Variants in SUPT6H observed in about 807,000 individuals in gnomAD.
SUPT6H encodes transcription elongation factor SPT6.
In SUPT6H, 11 loss-of-function variants were observed where a neutral mutation model predicts 222.3. That is an observed-to-expected ratio of 0.05 (90% CI 0.03 to 0.08). SUPT6H has a LOEUF of 0.08. Among genes scored for constraint, SUPT6H ranks in the 10% least tolerant of loss-of-function variants. SUPT6H has a pLI of 1.00. For missense variants in SUPT6H, 1,422 were observed against 2,216.0 expected (o/e 0.64, Z 7.19); for synonymous variants, 762 against 801.2 (o/e 0.95, Z 0.83).
At chr17:28,686,080 G>A (rs1218732442) in intron 19 of SUPT6H, among the ~76,000 whole-genome samples, 4 of 152,214 alleles carry the variant, frequency 2.6e-5, no homozygotes, top group East Asian at 3.9e-4. Flanking sequence ...AAAAAAGAAC[G>A]GTTTCCTAAC....
rs1213978339 is a variant in SUPT6H at position 28,688,766 on chromosome 17, A to T, written c.3134+548A>T. ...ATTCAGTAATGGAAATCAGTGGGGA[A>T]ATAGGCTTCAAGTTCTAAAACTTCA... On this transcript the variant is annotated intron_variant, in intron 24 of 36. Transcript: ENST00000314616. This position sits in a 1 kb window ranked among gnomAD's most constrained non-coding sequence, Gnocchi z 4.3. 1 of 154,416 alleles carries T rather than the reference A, an allele frequency of 6.5e-6. No individual in the cohort carries two copies. Among genetic ancestry groups the T allele is most frequent in the Non-Finnish European group, 1.4e-5 (1 of 69,702 alleles). The allele number at this position is 154,416 out of a possible 1,614,324, so 9.6% of individuals were successfully genotyped here.
intron 11 of SUPT6H, among the ~76,000 whole-genome samples, chr17:28,680,492 G>C (rs907364591): frequency 6.6e-6 from 1 of 151,878 alleles, no homozygotes; most frequent in African/African-American, 2.4e-5. Context: ...CAGCTCGCGA[G>C]GCTGAGGCAG....
At chr17:28,668,249 A>G (rs775357325) in intron 1 of SUPT6H, among the ~76,000 whole-genome samples, 1 of 152,244 alleles carries the variant, frequency 6.6e-6, no homozygotes, top group Non-Finnish European at 1.5e-5. Context: ...TTTTAAGAGC[A>G]TAAGTGCTAA....
intron 11 of SUPT6H, 99 bp from the exon 12 acceptor site, chr17:28,681,157 G>A (rs1164549540): frequency 1.5e-6 from 2 of 1,327,636 alleles, no homozygotes; most frequent in Non-Finnish European, 2.1e-6. Flanking sequence ...TCCCATTTTA[G>A]TTGGGATACT....
intron 20 of SUPT6H, 29 bp from the exon 21 acceptor site, chr17:28,686,625 T>A (rs781484284): frequency 6.4e-7 from 1 of 1,560,144 alleles, no homozygotes; most frequent in African/African-American, 1.4e-5. Flanking sequence ...TAAGAAAACA[T>A]ATTCATTGAC....
intron 12 of SUPT6H, 97 bp from the exon 13 acceptor site, chr17:28,681,784 CT>C: frequency 9.5e-7 from 1 of 1,056,318 alleles, no homozygotes; most frequent in African/African-American, 1.6e-5. Flanking sequence ...GAAGGAGGCC[CT>C]TGGCTGGGTA....
chr17:28,684,565 C>T (rs766029201), intron 17 of SUPT6H, 21 bp from the exon 18 acceptor site: 1 of 1,613,832 alleles, frequency 6.2e-7, no homozygotes, highest in East Asian at 2.2e-5. Flanking sequence ...TATGTAATAC[C>T]TGTTGTGTCT....
At chr17:28,693,986 A>G in intron 28 of SUPT6H, 150 bp downstream of exon 28, 1 of 1,068,594 alleles carries the variant, frequency 9.4e-7, no homozygotes, top group Non-Finnish European at 1.3e-6. Flanking sequence ...TAACTAGTTG[A>G]AAGAAGCTAG....
rs201577643 is a variant in SUPT6H at position 28,683,836 on chromosome 17, ATT to A, written c.2229+35_2229+36del. The A allele has an allele frequency of 0.026, 33,948 of 1,317,430 alleles. No individual in the cohort carries two copies. The highest frequency in any genetic ancestry group is 0.037 in the South Asian group (2,426 of 65,918). The allele number at this position is 1,317,430 out of a possible 1,614,324, so 81.6% of individuals were successfully genotyped here. On this transcript the variant is annotated intron_variant, in intron 17 of 36. Transcript: ENST00000314616. ...ATAAAGGTGAGGACAGAGACTCATG[ATT>A]TTTTTTTTTTTTTTGGTGACAGAGT... is the stretch of plus-strand genomic sequence containing the variant.
Position 28,686,767 on chromosome 17 carries a change from A to G in SUPT6H, c.2678A>G (p.Tyr893Cys), listed in dbSNP as rs1353643906. 6.8e-6 allele frequency: 11 copies of G among 1,609,390 alleles called. No homozygotes were observed. Among genetic ancestry groups the G allele is most frequent in the African/African-American group, 1.3e-5 (1 of 74,678 alleles). ...ELVDNELAIL[Y>C]MNSKKSEAEF... is the part of the protein sequence containing the mutation. ...GTTGACAACGAGTTGGCCATTCTCT[A>G]TATGAACAGCAAGAAGTCAGAGGTA... The change falls in exon 21 of 37, where the codon TAT becomes TGT. Residue 893 changes from tyrosine (Y) to cysteine (C), a missense_variant. Around this residue, in one of 13 missense-constraint regions of SUPT6H, gnomAD observed 294 missense variants for 382.1 expected, o/e 0.77. Transcript: ENST00000314616.
chr17:28,674,771 G>T (rs2030638544), intron 4 of SUPT6H, 158 bp downstream of exon 4: 2 of 895,970 alleles, frequency 2.2e-6, no homozygotes, highest in Admixed American at 2.5e-5. Context: ...TTGCATCCCA[G>T]ATCTGGGTGC....
intron 17 of SUPT6H, 25 bp downstream of exon 17, chr17:28,683,841 T>A (rs747163084): frequency 1.3e-6 from 2 of 1,563,206 alleles, no homozygotes; most frequent in South Asian, 2.4e-5. Context: ...TCATGATTTT[T>A]TTTTTTTTTT....
Position 28,688,389 on chromosome 17 carries a change from C to G in SUPT6H, c.3134+171C>G. 1.4e-6 allele frequency: 1 copy of G among 698,562 alleles called. No individual in the cohort carries two copies. Among genetic ancestry groups the G allele is most frequent in the Non-Finnish European group, 2.1e-6 (1 of 479,064 alleles). 43.3% of individuals were successfully genotyped at this position (698,562 alleles called of 1,614,324 possible). A position where few individuals can be genotyped will look rare whatever the true frequency, so the allele number is the denominator to read the frequency against. ...AGAGCCCCTGACCTATGGAAAAGAT[C>G]GGTTCAATCATGTGAAACATTTTTC... On this transcript the variant is annotated intron_variant, in intron 24 of 36. Transcript: ENST00000314616. The surrounding 1 kb of genome is among the most constrained non-coding windows in gnomAD (Gnocchi z 4.3).
chr17:28,670,407 TA>T (rs975903224), intron 1 of SUPT6H: 12 of 152,182 alleles, frequency 7.9e-5, no homozygotes, highest in Non-Finnish European at 1.8e-4. Context: ...GGGTACTTTT[TA>T]AAAAATTGCT....
chr17:28,675,117 C>A lies in SUPT6H; in HGVS notation c.493C>A (p.Pro165Thr). The A allele has an allele frequency of 1.2e-6, 2 of 1,613,520 alleles. No homozygotes were observed. Among genetic ancestry groups the A allele is most frequent in the Non-Finnish European group, 1.7e-6 (2 of 1,179,850 alleles). The stretch of plus-strand genomic sequence containing the variant: ...AGAAGGGCAGGAGGCCATGGAGGCC[C>A]CCATGGCTCCTCCAGAGGAGGAGGA... ...GEEGQEAMEA[P>T]MAPPEEEEED... The change falls in exon 5 of 37, where the codon CCC becomes ACC. Residue 165 changes from proline (P) to threonine (T), a missense_variant. This residue lies in a region of SUPT6H where 389 missense variants were observed against 544.6 expected (regional missense o/e 0.71). Coordinates refer to ENST00000314616, the MANE Select transcript of SUPT6H (RefSeq NM_003170.5).
intron 33 of SUPT6H, 60 bp downstream of exon 33, chr17:28,699,953 C>CA (rs2032066110): frequency 1.4e-5 from 22 of 1,519,980 alleles, no homozygotes; most frequent in Non-Finnish European, 2.0e-5. Flanking sequence ...GGACCTGACT[C>CA]AGAGTAGTCC....
intron 21 of SUPT6H, 59 bp from the exon 22 acceptor site, chr17:28,687,029 C>T: frequency 6.3e-7 from 1 of 1,591,474 alleles, no homozygotes; most frequent in East Asian, 2.2e-5. Flanking sequence ...GTTTGGATTT[C>T]CTCTTGATGT....
chr17:28,667,435 A>ATATATATATATG (rs1491494572), intron 1 of SUPT6H, among the ~76,000 whole-genome samples: 2 of 128,770 alleles, frequency 1.6e-5, no homozygotes, highest in African/African-American at 5.8e-5. Context: ...ATATATATAT[A>ATATATATATATG]TGTATGTGTG....
At chr17:28,699,977 C>T in intron 33 of SUPT6H, 84 bp downstream of exon 33, 1 of 1,429,522 alleles carries the variant, frequency 7.0e-7, no homozygotes. Flanking sequence ...CCTAGGGGAC[C>T]AGGTGAGGAG....
Sources: gnomAD v4.1 joint callset for allele counts (sites outside exome capture counted in the v4.1 genomes callset) on GRCh38, gnomAD v4.1.1 for gene constraint, gnomAD v4.1.1 regional missense constraint, Gnocchi (gnomAD v3.1) non-coding constraint, MANE v1.5 for transcripts, NCBI Gene and HGNC (gene_info 2026-07-23, HGNC 2026-07-21) for gene names.